ADGRL2: variants seen among roughly 807,000 people sequenced by gnomAD.
The protein encoded by ADGRL2 is adhesion G protein-coupled receptor L2.
Under a neutral mutation model 157.4 loss-of-function variants are expected in ADGRL2, and 44 were observed. That is an observed-to-expected ratio of 0.28 (90% CI 0.22 to 0.36). The LOEUF (loss-of-function observed/expected upper bound fraction) is 0.36. Among genes scored for constraint, ADGRL2 ranks in the 10% least tolerant of loss-of-function variants. The probability of loss-of-function intolerance (pLI) is 1.00; values close to 1 mark genes in which losing one functional copy is unlikely to be tolerated. For synonymous variants in ADGRL2, 585 were observed against 624.7 expected, an observed-to-expected ratio of 0.94 and a Z score of 0.95; for missense variants, 1,510 against 1,768.9, an observed-to-expected ratio of 0.85 and a Z score of 2.63.
intron 3 of ADGRL2, among the ~76,000 whole-genome samples, chr1:81,593,125 A>G (rs1570590298): frequency 6.6e-6 from 1 of 152,218 alleles, no homozygotes; most frequent in East Asian, 1.9e-4. Context: ...GATAGGTGTT[A>G]TCACTTTTCT....
intron 2 of ADGRL2, among the ~76,000 whole-genome samples, chr1:81,854,700 A>T (rs2093141495): frequency 6.6e-6 from 1 of 152,172 alleles, no homozygotes; most frequent in South Asian, 2.1e-4. Context: ...GAATCCAGAG[A>T]GAGCTGCATA....
At chr1:81,336,062 T>C (rs1014739838) in intron 1 of ADGRL2, among the ~76,000 whole-genome samples, 1 of 152,170 alleles carries the variant, frequency 6.6e-6, no homozygotes, top group African/African-American at 2.4e-5. Context: ...CAAGGGAGAT[T>C]ATTATCAGAC....
At chr1:81,905,952 G>GTGTT (rs2094576287) in intron 2 of ADGRL2, among the ~76,000 whole-genome samples, 1 of 125,454 alleles carries the variant, frequency 8.0e-6, no homozygotes, top group South Asian at 2.3e-4. Context: ...AGCAGAGTGT[G>GTGTT]TGTGTGTGTG....
chr1:81,912,028 A>T (rs1206833027), intron 3 of ADGRL2, among the ~76,000 whole-genome samples: 1 of 151,426 alleles, frequency 6.6e-6, no homozygotes, highest in Non-Finnish European at 1.5e-5. Flanking sequence ...CCTGACTAGA[A>T]CCTCATAGCC....
upstream of ADGRL2, among the ~76,000 whole-genome samples, chr1:81,799,082 G>T (rs2087738556): frequency 6.6e-6 from 1 of 152,132 alleles, no homozygotes; most frequent in Non-Finnish European, 1.5e-5. Context: ...TGAGGTCTGA[G>T]AATTAGATAA....
intron 2 of ADGRL2, among the ~76,000 whole-genome samples, chr1:81,783,870 T>C (rs1014293059): frequency 2.6e-5 from 4 of 152,208 alleles, no homozygotes. Flanking sequence ...GATACTAAAA[T>C]AATAGCAAAT....
At chr1:81,423,416 T>C (rs4350243) in intron 1 of ADGRL2, among the ~76,000 whole-genome samples, 28,675 of 152,100 alleles carry the variant, frequency 0.19, 2,828 homozygotes, top group South Asian at 0.29. Context: ...TATTCAATGC[T>C]GTCTTGTCAT....
At chr1:81,926,871 A>T (rs2095119216) in intron 3 of ADGRL2, among the ~76,000 whole-genome samples, 1 of 152,006 alleles carries the variant, frequency 6.6e-6, no homozygotes, top group Admixed American at 6.6e-5. Context: ...GCTCTGAGTG[A>T]GTCAAGCCTA....
intron 1 of ADGRL2, among the ~76,000 whole-genome samples, chr1:81,745,051 A>G (rs1275937938): frequency 6.6e-6 from 1 of 152,152 alleles, no homozygotes; most frequent in Non-Finnish European, 1.5e-5. Context: ...GGGGGACTGC[A>G]AGTCACCCAG....
At chr1:81,711,403 A>G (rs574714373) in intron 1 of ADGRL2, among the ~76,000 whole-genome samples, 103 of 152,216 alleles carry the variant, frequency 6.8e-4, no homozygotes, top group Non-Finnish European at 1.3e-3. Context: ...CATTTATCTC[A>G]TAAGTGCTTT....
intron 2 of ADGRL2, among the ~76,000 whole-genome samples, chr1:81,556,388 G>T (rs11810611): frequency 2.6e-3 from 321 of 122,922 alleles, no homozygotes; most frequent in African/African-American, 9.5e-3. Flanking sequence ...GTGTGATCTT[G>T]GCTCGCTGCA....
intron 2 of ADGRL2, among the ~76,000 whole-genome samples, chr1:81,527,859 A>G (rs1471779181): frequency 3.9e-5 from 6 of 152,170 alleles, no homozygotes; most frequent in Admixed American, 3.9e-4. Flanking sequence ...CGAGGTCAGG[A>G]GATCGAGACC....
chr1:81,936,671 A>T, intron 3 of ADGRL2, 57 bp from the exon 4 acceptor site: 1 of 979,986 alleles, frequency 1.0e-6, no homozygotes, highest in Non-Finnish European at 1.6e-6. Context: ...TGTTATATTT[A>T]AGTGAAAATA....
chr1:81,847,687 C>T (rs1304978502), intron 2 of ADGRL2, among the ~76,000 whole-genome samples: 1 of 151,732 alleles, frequency 6.6e-6, no homozygotes, highest in Admixed American at 6.6e-5. Flanking sequence ...GCAGCCTGAC[C>T]CTTTCTCCCT....
At chr1:81,787,634 G>C (rs2087119476) in intron 2 of ADGRL2, among the ~76,000 whole-genome samples, 1 of 151,878 alleles carries the variant, frequency 6.6e-6, no homozygotes, top group Admixed American at 6.6e-5. Context: ...CAGCCTGGGT[G>C]ACAGAGCAAG....
At position 81,966,414 on chromosome 1, in the gene ADGRL2, G is replaced by C. The variant is rs1279210773; in HGVS notation, c.2154G>C (p.Lys718Asn). The C allele has an allele frequency of 1.2e-6, 2 of 1,613,950 alleles. No homozygotes were observed. Among genetic ancestry groups the C allele is most frequent in the Admixed American group, 1.7e-5 (1 of 60,016 alleles). Reference sequence around the variant, plus strand: ...TTTTTACCTTCCTAGGGCTTGCAAAGTTGGTGTTCATCATTTACCGGAGCC... The same window carrying C: ...TTTTTACCTTCCTAGGGCTTGCAAACTTGGTGTTCATCATTTACCGGAGCC... Reference protein sequence around the residue: ...VKQNSRNGLAKLVFIIYRSLG... With the variant: ...VKQNSRNGLANLVFIIYRSLG... The change falls in exon 13 of 24, where the codon AAG (lysine) becomes AAC (asparagine). Residue 718 changes from lysine to asparagine, a missense_variant. Lys to Asn is a moderately conservative substitution (Grantham distance 94, BLOSUM62 0). Around this residue, in one of 4 missense-constraint regions of ADGRL2, gnomAD observed 497 missense variants for 627.2 expected, o/e 0.79. Coordinates refer to ENST00000686636, the MANE Select transcript of ADGRL2 (RefSeq NM_001366006.2).
intron 2 of ADGRL2, among the ~76,000 whole-genome samples, chr1:81,886,929 A>G (rs560489892): frequency 6.6e-6 from 1 of 152,326 alleles, no homozygotes; most frequent in South Asian, 2.1e-4. Flanking sequence ...GTAATGGATT[A>G]AAAGACCATA....
intron 3 of ADGRL2, among the ~76,000 whole-genome samples, chr1:81,669,632 G>T (rs2082826034): frequency 6.6e-6 from 1 of 152,108 alleles, no homozygotes; most frequent in Admixed American, 6.6e-5. Context: ...AATGCAGGAT[G>T]CTCTAAGAGC....
chr1:81,388,862 G>C (rs1164936232), intron 1 of ADGRL2, among the ~76,000 whole-genome samples: 1 of 152,158 alleles, frequency 6.6e-6, no homozygotes, highest in Non-Finnish European at 1.5e-5. Context: ...GAAGAGTAGA[G>C]ATATGCTTAT....
Sources: allele counts gnomAD v4.1 joint callset (sites outside exome capture counted in the v4.1 genomes callset), GRCh38; gene constraint gnomAD v4.1.1; regional missense constraint gnomAD v4.1.1; transcripts MANE v1.5; gene names NCBI Gene and HGNC (gene_info 2026-07-23, HGNC 2026-07-21).